Variants in TANC1 observed in about 807,000 individuals in gnomAD.
TANC1 encodes the protein tetratricopeptide repeat, ankyrin repeat and coiled-coil containing 1.
A neutral mutation model predicts 149.7 loss-of-function variants in TANC1; 77 were observed. That is an observed-to-expected ratio of 0.51 (90% CI 0.43 to 0.62). The LOEUF (loss-of-function observed/expected upper bound fraction) is 0.62, where lower values mean the gene tolerates loss of function less well. Ranked by LOEUF, TANC1 falls within the 20% of genes least tolerant of loss-of-function variation. TANC1 has a pLI of 0.00. For synonymous variants in TANC1, 854 were observed against 925.0 expected, an observed-to-expected ratio of 0.92 and a Z score of 1.39; for missense variants, 1,985 against 2,321.8, an observed-to-expected ratio of 0.85 and a Z score of 2.98.
intron 24 of TANC1, chr2:159,227,234 C>T (rs2060075543): frequency 6.6e-6 from 1 of 152,148 alleles, no homozygotes; most frequent in Non-Finnish European, 1.5e-5. Context: ...AAATAGGAAG[C>T]CATTTTCAAC....
At chr2:159,082,749 C>T (rs1235791120) in intron 3 of TANC1, among the ~76,000 whole-genome samples, 2 of 152,116 alleles carry the variant, frequency 1.3e-5, no homozygotes, top group Admixed American at 1.3e-4. Context: ...AAACCAGAAA[C>T]CTGTGTGTCT....
intron 3 of TANC1, among the ~76,000 whole-genome samples, chr2:159,076,273 A>T (rs1409081855): frequency 1.3e-5 from 2 of 152,222 alleles, no homozygotes; most frequent in African/African-American, 2.4e-5. Context: ...GAAGTCGCTG[A>T]TGGTGAAACT....
chr2:159,077,049 T>C (rs370570042), intron 3 of TANC1, among the ~76,000 whole-genome samples: 1 of 152,012 alleles, frequency 6.6e-6, no homozygotes, highest in East Asian at 1.9e-4. Context: ...GATTCTTACA[T>C]GGTCTTGATC....
chr2:158,987,328 C>G (rs2035120874), intron 1 of TANC1, among the ~76,000 whole-genome samples: 1 of 151,594 alleles, frequency 6.6e-6, no homozygotes, highest in Non-Finnish European at 1.5e-5. Context: ...GAGTTCAAGA[C>G]CAGCCTGGGC....
At position 159,230,172 on chromosome 2, in the gene TANC1, A is replaced by G; in HGVS notation, c.4746A>G (p.Leu1582=). ...ATPAGSRTQH[L]EGTGTFTTRA... The stretch of plus-strand genomic sequence containing the variant: ...CTGCTGGGAGCAGAACCCAGCATTT[A>G]GAGGGAACAGGTACTTTCACTACAA... The change falls in exon 27 of 27, where the codon TTA becomes TTG. Residue 1582 remains leucine (L), a synonymous_variant. Transcript: ENST00000263635. The surrounding 1 kb of genome is among the most constrained non-coding windows in gnomAD (Gnocchi z 4.4). 1 of 1,614,072 alleles carries G rather than the reference A, an allele frequency of 6.2e-7. No individual in the cohort carries two copies. The highest frequency in any genetic ancestry group is 1.1e-5 in the South Asian group (1 of 91,090).
chr2:159,084,870 G>A (rs1159747003), intron 3 of TANC1, among the ~76,000 whole-genome samples: 1 of 152,120 alleles, frequency 6.6e-6, no homozygotes, highest in Non-Finnish European at 1.5e-5. Flanking sequence ...GTGGTTAAGA[G>A]TTCTGACTCC....
intron 2 of TANC1, among the ~76,000 whole-genome samples, chr2:159,065,630 A>C (rs2042586707): frequency 6.8e-6 from 1 of 146,968 alleles, no homozygotes; most frequent in African/African-American, 2.5e-5. Context: ...AATGCTGAGA[A>C]TGCACTATTG....
At chr2:158,998,321 G>T (rs191250418) in intron 1 of TANC1, among the ~76,000 whole-genome samples, 106 of 151,912 alleles carry the variant, frequency 7.0e-4, no homozygotes, top group African/African-American at 2.4e-3. Context: ...CTATAATTAA[G>T]ATCATGCAAT....
chr2:159,200,087 T>C (rs939449492), intron 19 of TANC1, among the ~76,000 whole-genome samples: 6 of 152,246 alleles, frequency 3.9e-5, no homozygotes, highest in African/African-American at 1.4e-4. Context: ...CCTAATTCTT[T>C]ATGGAGTCCT....
Position 159,185,076 on chromosome 2 carries a change from A to T in TANC1, c.2511-715A>T, listed in dbSNP as rs564294243. On this transcript the variant is annotated intron_variant, in intron 14 of 26. Transcript: ENST00000263635. ...ACAACTACCTGCTTTTCCCCAACCA[A>T]ACAGCTCAAAGTTGACAGGATGATA... Among the ~76,000 whole-genome samples, 3 of 152,304 alleles carry T rather than the reference A, an allele frequency of 2.0e-5. No individual in the cohort carries two copies. In the South Asian group the frequency reaches 6.2e-4, roughly 32 times the overall value.
Position 159,172,964 on chromosome 2 carries a change from C to T in TANC1, c.1503+692C>T, listed in dbSNP as rs1185131261. On this transcript the variant is annotated intron_variant, in intron 11 of 26. Coordinates refer to ENST00000263635, the MANE Select transcript of TANC1 (RefSeq NM_033394.3). ...GGGGAGGTTGGTGAGGGGAGCTGAACCGAATCTTGCCCTGCACCAGATCCC... is the reference window on the plus strand; with the variant it reads ...GGGGAGGTTGGTGAGGGGAGCTGAATCGAATCTTGCCCTGCACCAGATCCC... Among the ~76,000 whole-genome samples, 7 of 152,148 alleles carry T rather than the reference C, an allele frequency of 4.6e-5. No homozygotes were observed. In the East Asian group the frequency reaches 1.2e-3, roughly 25 times the overall value.
chr2:159,078,327 A>G (rs984669069), intron 3 of TANC1, among the ~76,000 whole-genome samples: 9 of 152,188 alleles, frequency 5.9e-5, no homozygotes, highest in Non-Finnish European at 1.2e-4. Context: ...AGCTATTTTA[A>G]TATTTTGGTA....
At chr2:159,034,541 C>T (rs2040029807) in intron 2 of TANC1, among the ~76,000 whole-genome samples, 1 of 152,176 alleles carries the variant, frequency 6.6e-6, no homozygotes, top group Non-Finnish European at 1.5e-5. Context: ...AGGAGATTCT[C>T]ATGGGCCATG....
At chr2:159,187,434 A>G (rs1466034080) in intron 16 of TANC1, among the ~76,000 whole-genome samples, 1 of 152,252 alleles carries the variant, frequency 6.6e-6, no homozygotes, top group Admixed American at 6.5e-5. Context: ...ATAAGTACAC[A>G]GAAAAACAAA....
At chr2:159,143,771 A>G (rs1281496309) in intron 5 of TANC1, among the ~76,000 whole-genome samples, 1 of 152,098 alleles carries the variant, frequency 6.6e-6, no homozygotes, top group African/African-American at 2.4e-5. Context: ...GCTGTCCTCT[A>G]TTTAATTGCA....
At chr2:159,095,586 A>G (rs68036022) in intron 3 of TANC1, among the ~76,000 whole-genome samples, 57,901 of 151,768 alleles carry the variant, frequency 0.38, 12,086 homozygotes, top group East Asian at 0.77. Context: ...AAATACAAAG[A>G]TTAGCCGGGT....
chr2:159,162,666 T>C (rs1375004408), intron 7 of TANC1, among the ~76,000 whole-genome samples: 1 of 152,356 alleles, frequency 6.6e-6, no homozygotes, highest in African/African-American at 2.4e-5. Context: ...CTCCTGCTGG[T>C]ACTTCACCTG....
chr2:159,034,970 T>C (rs1284391991), intron 2 of TANC1, among the ~76,000 whole-genome samples: 1 of 152,146 alleles, frequency 6.6e-6, no homozygotes, highest in African/African-American at 2.4e-5. Flanking sequence ...CCTTTACAGC[T>C]GGAGGATTTG....
At chr2:159,025,156 TTC>T (rs1235753375) in intron 2 of TANC1, among the ~76,000 whole-genome samples, 4 of 148,474 alleles carry the variant, frequency 2.7e-5, no homozygotes, top group Non-Finnish European at 6.0e-5. Context: ...TTCTTTCTCT[TTC>T]TCTTTTTCTT....
Sources: allele counts gnomAD v4.1 joint callset (sites outside exome capture counted in the v4.1 genomes callset), GRCh38; gene constraint gnomAD v4.1.1; non-coding constraint Gnocchi (gnomAD v3.1); transcripts MANE v1.5; gene names NCBI Gene and HGNC (gene_info 2026-07-23, HGNC 2026-07-21).